NEK10: variants seen among roughly 807,000 people sequenced by gnomAD.
NEK10 encodes serine/threonine-protein kinase Nek10.
A neutral mutation model predicts 159.8 loss-of-function variants in NEK10; 122 were observed. That is an observed-to-expected ratio of 0.76 (90% CI 0.66 to 0.89). NEK10 has a LOEUF of 0.89. NEK10 is among the 40% of genes least tolerant of loss of function. The probability of loss-of-function intolerance (pLI) is 0.00; values close to 1 mark genes in which losing one functional copy is unlikely to be tolerated. For synonymous variants in NEK10, 466 were observed against 457.1 expected (o/e 1.02, Z -0.25); for missense variants, 1,342 against 1,323.1 (o/e 1.01, Z -0.22).
At chr3:27,338,336 T>C (rs753142877) in intron 5 of NEK10, among the ~76,000 whole-genome samples, 9 of 152,226 alleles carry the variant, frequency 5.9e-5, no homozygotes, top group South Asian at 2.1e-4. Flanking sequence ...CAGTCTATTA[T>C]TGATGGACAT....
intron 23 of NEK10, among the ~76,000 whole-genome samples, chr3:27,218,736 T>TAAAAAAAAAAA (rs1178048499): frequency 1.1e-5 from 1 of 93,174 alleles, no homozygotes; most frequent in Admixed American, 1.1e-4. Context: ...GAATGAAGTC[T>TAAAAAAAAAAA]AAAAAAAAAA....
intron 12 of NEK10, among the ~76,000 whole-genome samples, chr3:27,302,244 G>C (rs981331269): frequency 4.6e-5 from 7 of 151,940 alleles, no homozygotes; most frequent in African/African-American, 1.7e-4. Context: ...ATTTTACTCT[G>C]TACTTCAGGG....
intron 5 of NEK10, among the ~76,000 whole-genome samples, chr3:27,333,184 G>C (rs536407186): frequency 3.6e-4 from 55 of 152,100 alleles, no homozygotes; most frequent in Non-Finnish European, 7.2e-4. Context: ...CAGGGAAAGG[G>C]TGAGTGAGAG....
chr3:27,310,087 A>G (rs1253239035), intron 9 of NEK10: 2 of 152,126 alleles, frequency 1.3e-5, no homozygotes, highest in African/African-American at 4.8e-5. Context: ...TTTCCAGTAT[A>G]TGGATTTTTT....
intron 22 of NEK10, among the ~76,000 whole-genome samples, chr3:27,282,815 A>G (rs963143233): frequency 6.6e-6 from 1 of 150,740 alleles, no homozygotes; most frequent in Non-Finnish European, 1.5e-5. Context: ...TAACTTATAA[A>G]TTGACATTCC....
Position 27,179,505 on chromosome 3 carries a change from C to T in NEK10, c.2506-4672G>A, listed in dbSNP as rs568682740. Among the ~76,000 whole-genome samples, 18 of 152,266 alleles carry T rather than the reference C, an allele frequency of 1.2e-4. No individual in the cohort carries two copies. The East Asian group carries it at 2.5e-3, about 21-fold the overall frequency. Reference sequence around the variant, plus strand: ...GTTTCACTGTTATCCCATAACTAACCTAGTACTGTATCAGAAATGAGTGGA... The same window carrying T: ...GTTTCACTGTTATCCCATAACTAACTTAGTACTGTATCAGAAATGAGTGGA... On this transcript the variant is annotated intron_variant, in intron 26 of 35. Transcript: ENST00000691995.
chr3:27,310,545 T>G (rs969939168), intron 9 of NEK10: 2 of 154,616 alleles, frequency 1.3e-5, no homozygotes, highest in Admixed American at 6.5e-5. Flanking sequence ...GGCAATCATA[T>G]ATGGTTCAAA....
rs753789221 is a variant in NEK10 at position 27,352,919 on chromosome 3, C to T, written c.-37G>A. 95 of 1,489,558 alleles carry T rather than the reference C, an allele frequency of 6.4e-5. No homozygotes were observed. Among genetic ancestry groups the T allele is most frequent in the Non-Finnish European group, 8.4e-5 (90 of 1,071,136 alleles). The allele number at this position is 1,489,558 out of a possible 1,614,324, so 92.3% of individuals were successfully genotyped here. On this transcript the variant is annotated splice_region_variant and 5_prime_UTR_variant, in exon 2 of 36. Transcript: ENST00000691995. Reference sequence around the variant, plus strand: ...AATGCCCCAGAATTAACATCGCATTCCTTTAAAATTAAACCAGAGGGAAAA... The same window carrying T: ...AATGCCCCAGAATTAACATCGCATTTCTTTAAAATTAAACCAGAGGGAAAA...
rs1447104808 is a variant in NEK10 at position 27,256,318 on chromosome 3, C to T, written c.2068G>A (p.Val690Ile). 4.5e-6 allele frequency: 7 copies of T among 1,562,406 alleles called. No homozygotes were observed. In the South Asian group the frequency reaches 7.2e-5, roughly 16 times the overall value. Residue 690 changes from valine to isoleucine, a missense_variant, in exon 23 of 36, where the codon GTT (valine) becomes ATT (isoleucine). Coordinates refer to ENST00000691995, the MANE Select transcript of NEK10 (RefSeq NM_001394966.1). ...TACCAAGAATACAGGATTGTTCCAA[C>T]CACAGAGGTGAGTTTACTGTTTTCT... ...KQENSKLTSV[V>I]GTILYSCPEV...
At chr3:27,153,657 T>C (rs1416639378) in intron 30 of NEK10, among the ~76,000 whole-genome samples, 2 of 152,216 alleles carry the variant, frequency 1.3e-5, no homozygotes, top group African/African-American at 4.8e-5. Flanking sequence ...AAAGGAACCT[T>C]CAAAACCATG....
intron 23 of NEK10, among the ~76,000 whole-genome samples, chr3:27,228,636 G>T (rs1015192221): frequency 6.6e-6 from 1 of 152,086 alleles, no homozygotes; most frequent in Non-Finnish European, 1.5e-5. Flanking sequence ...AAAATGGAGG[G>T]CATCAACCTA....
intron 26 of NEK10, among the ~76,000 whole-genome samples, chr3:27,189,433 T>C (rs1292655995): frequency 6.6e-6 from 1 of 152,100 alleles, no homozygotes; most frequent in Non-Finnish European, 1.5e-5. Context: ...TGGGAATTCA[T>C]AAAGTTCTAC....
intron 23 of NEK10, among the ~76,000 whole-genome samples, chr3:27,252,394 T>A (rs1955760756): frequency 6.6e-6 from 1 of 152,190 alleles, no homozygotes; most frequent in Non-Finnish European, 1.5e-5. Flanking sequence ...ATTTTGGAGA[T>A]CTGAAGGAAC....
chr3:27,355,478 G>C (rs1287077242), intron 1 of NEK10, among the ~76,000 whole-genome samples: 1 of 151,936 alleles, frequency 6.6e-6, no homozygotes, highest in Non-Finnish European at 1.5e-5. Flanking sequence ...TTGGTAACTG[G>C]TACCACAATG....
intron 1 of NEK10, among the ~76,000 whole-genome samples, chr3:27,356,526 A>T (rs184763229): frequency 6.6e-6 from 1 of 152,244 alleles, no homozygotes; most frequent in East Asian, 1.9e-4. Context: ...ATAAACTAAT[A>T]AATAAATACC....
At chr3:27,350,581 C>T (rs1301431099) in intron 3 of NEK10, among the ~76,000 whole-genome samples, 5 of 151,950 alleles carry the variant, frequency 3.3e-5, no homozygotes, top group Non-Finnish European at 5.9e-5. Flanking sequence ...TTTTTTAGCA[C>T]CATCTATTTT....
rs764722999 is a variant in NEK10, at chr3:27,291,357, C to T, written c.1510G>A (p.Glu504Lys). 3.9e-5 allele frequency: 63 copies of T among 1,611,884 alleles called. No homozygotes were observed. Among genetic ancestry groups the T allele is most frequent in the East Asian group, 1.1e-4 (5 of 44,876 alleles). ...GGAGCTTTGTTCTGATTAATGCTTT[C>T]AATATTTTCAGCAATTTGCTTCAGT... is the stretch of plus-strand genomic sequence containing the variant. ...DELKQIAENIESINQNKAPLK... is the reference protein window; with the variant it reads ...DELKQIAENIKSINQNKAPLK... Residue 504 changes from glutamate (E) to lysine (K), a missense_variant, in exon 18 of 36, where the codon GAA becomes AAA. By Grantham distance (56) the Glu-to-Lys change is moderately conservative. Coordinates refer to ENST00000691995, the MANE Select transcript of NEK10 (RefSeq NM_001394966.1).
intron 23 of NEK10, chr3:27,215,908 T>C: frequency 1.5e-6 from 1 of 685,310 alleles, no homozygotes. Context: ...ACACGAAAAC[T>C]CACCATCATG....
At chr3:27,273,097 C>G (rs1379831629) in intron 22 of NEK10, among the ~76,000 whole-genome samples, 1 of 152,060 alleles carries the variant, frequency 6.6e-6, no homozygotes, top group Non-Finnish European at 1.5e-5. Flanking sequence ...GACTTCCAGG[C>G]AGAGGAAATG....
Sources: allele counts gnomAD v4.1 joint callset (sites outside exome capture counted in the v4.1 genomes callset), GRCh38; gene constraint gnomAD v4.1.1; transcripts MANE v1.5; gene names NCBI Gene and HGNC (gene_info 2026-07-23, HGNC 2026-07-21).